FUT8: variants seen among roughly 807,000 people sequenced by gnomAD.
FUT8 encodes alpha-(1,6)-fucosyltransferase.
In FUT8, 29 loss-of-function variants were observed where a neutral mutation model predicts 71.3. The observed-to-expected ratio is 0.41, with a 90% CI of 0.30 to 0.55. The LOEUF is 0.55. FUT8 is among the 20% of genes least tolerant of loss of function. FUT8 has a pLI of 0.34. For missense variants in FUT8, 544 were observed against 702.1 expected, an observed-to-expected ratio of 0.77 and a Z score of 2.55; for synonymous variants, 254 against 239.3, an observed-to-expected ratio of 1.06 and a Z score of -0.57.
intron 3 of FUT8, among the ~76,000 whole-genome samples, chr14:65,614,915 G>C (rs1027437164): frequency 1.3e-5 from 2 of 152,142 alleles, no homozygotes; most frequent in Non-Finnish European, 2.9e-5. Context: ...GTGGAGTACA[G>C]TATACTGCCA....
intron 3 of FUT8, among the ~76,000 whole-genome samples, chr14:65,584,238 G>T (rs886987391): frequency 6.7e-6 from 1 of 150,012 alleles, no homozygotes; most frequent in African/African-American, 2.5e-5. Context: ...GAGTGCAGTG[G>T]TGCGATCTTG....
intron 3 of FUT8, among the ~76,000 whole-genome samples, chr14:65,575,562 C>T (rs1397617850): frequency 2.9e-4 from 5 of 17,434 alleles, no homozygotes; most frequent in African/African-American, 7.8e-4. Context: ...CTTCCTCCCT[C>T]CCTTCTTTCC....
intron 5 of FUT8, among the ~76,000 whole-genome samples, chr14:65,628,969 T>C (rs1344743937): frequency 2.6e-5 from 4 of 152,220 alleles, no homozygotes; most frequent in Non-Finnish European, 5.9e-5. Flanking sequence ...GACTAAAATA[T>C]TTACTGTCTG....
chr14:65,458,201 A>C (rs2065922728), intron 2 of FUT8: 1 of 151,660 alleles, frequency 6.6e-6, no homozygotes, highest in Admixed American at 6.6e-5. Context: ...AAAAACAAAA[A>C]AAACAGGTAC....
chr14:65,611,247 A>G lies in FUT8; in HGVS notation c.204-4731A>G, dbSNP rs866704058. Among the ~76,000 whole-genome samples the G allele has an allele frequency of 1.0e-4, 4 of 38,914 alleles. 1 individual carries two copies. Among genetic ancestry groups the G allele is most frequent in the African/African-American group, 3.9e-4 (3 of 7,618 alleles). The allele number at this position is 38,914 out of a possible 152,430, so 25.5% of individuals were successfully genotyped here. A position where few individuals can be genotyped will look rare whatever the true frequency, so the allele number is the denominator to read the frequency against. On this transcript the variant is annotated intron_variant, in intron 3 of 10. Coordinates refer to ENST00000673929, the MANE Select transcript of FUT8 (RefSeq NM_001371533.1). ...CGCACACACACACACACACACACAC[A>G]CACACACACACACACACACACACAC...
Position 65,437,260 on chromosome 14 carries a change from C to T in FUT8, c.-325-18361C>T, listed in dbSNP as rs532611349. On this transcript the variant is annotated intron_variant, in intron 1 of 10. Coordinates refer to ENST00000673929, the MANE Select transcript of FUT8 (RefSeq NM_001371533.1). ...ATCAAACAAAAGCTTAGGGTATCAGCAAAGCAGAAAGAAAAGAATTTGAAA... is the reference window on the plus strand; with the variant it reads ...ATCAAACAAAAGCTTAGGGTATCAGTAAAGCAGAAAGAAAAGAATTTGAAA... 7.2e-5 allele frequency among the ~76,000 whole-genome samples: 11 copies of T among 152,100 alleles called. No homozygotes were observed. The East Asian group carries it at 1.4e-3, about 19-fold the overall frequency.
intron 7 of FUT8, among the ~76,000 whole-genome samples, chr14:65,694,101 A>G (rs1893858138): frequency 6.6e-6 from 1 of 152,138 alleles, no homozygotes; most frequent in Non-Finnish European, 1.5e-5. Context: ...TAGCCTCACT[A>G]GAGGTTTCTT....
At chr14:65,378,355 G>A in the FUT8 span, among the ~76,000 whole-genome samples, 26 of 152,168 alleles carry the variant, frequency 1.7e-4, no homozygotes, top group Admixed American at 3.9e-4. Context: ...TAAGTAGGAT[G>A]GAATCTACAA....
the FUT8 span, among the ~76,000 whole-genome samples, chr14:65,389,419 G>A: frequency 2.0e-5 from 3 of 150,912 alleles, no homozygotes; most frequent in Admixed American, 6.6e-5. Flanking sequence ...TGCCCAAGCT[G>A]GAGTGCCTCA....
At position 65,698,321 on chromosome 14, in the gene FUT8, C is replaced by G. The variant is rs74058563; in HGVS notation, c.836-23454C>G. Among the ~76,000 whole-genome samples the G allele has an allele frequency of 7.8e-3, 1,187 of 152,270 alleles. 9 individuals carry two copies. Among genetic ancestry groups the G allele is most frequent in the African/African-American group, 0.024 (986 of 41,546 alleles). ...TTTGGGTCCAGGAAATTAGAGGCAA[C>G]TGCCTGGAAAAGTGTACAGTAAAAT... On this transcript the variant is annotated intron_variant, in intron 7 of 10. Transcript: ENST00000673929.
In FUT8 at chr14:65,617,184, C is replaced by T. The variant is rs1352560456; in HGVS notation, c.482+811C>T. ...TACTGTGAAGAGGAAAAGAATTACC[C>T]CATACAAGTAAGAGATTTCATATTT... On this transcript the variant is annotated intron_variant, in intron 5 of 10. Transcript: ENST00000673929. 1.9e-6 allele frequency: 3 copies of T among 1,552,956 alleles called. No individual in the cohort carries two copies. In the East Asian group the frequency reaches 7.1e-5, roughly 37 times the overall value.
At chr14:65,502,213 G>A (rs2066657016) in intron 2 of FUT8, among the ~76,000 whole-genome samples, 1 of 151,366 alleles carries the variant, frequency 6.6e-6, no homozygotes, top group Non-Finnish European at 1.5e-5. Context: ...GCCTGGCTGG[G>A]TCCACTTATT....
At chr14:65,541,324 A>C (rs140796233) in intron 2 of FUT8, among the ~76,000 whole-genome samples, 7 of 152,236 alleles carry the variant, frequency 4.6e-5, no homozygotes, top group Non-Finnish European at 8.8e-5. Context: ...TAGTCATTCA[A>C]GATGTCCCAC....
the FUT8 span, among the ~76,000 whole-genome samples, chr14:65,370,460 G>A: frequency 6.6e-6 from 1 of 151,322 alleles, no homozygotes. Context: ...TGCCTGCCTC[G>A]GCCTCCCAAA....
intron 2 of FUT8, among the ~76,000 whole-genome samples, chr14:65,497,153 G>A (rs1050674615): frequency 6.6e-6 from 1 of 151,994 alleles, no homozygotes; most frequent in African/African-American, 2.4e-5. Flanking sequence ...CATTTCCAAC[G>A]GTAATATATG....
chr14:65,540,683 A>G (rs1469302314), intron 2 of FUT8, among the ~76,000 whole-genome samples: 1 of 152,232 alleles, frequency 6.6e-6, no homozygotes, highest in Non-Finnish European at 1.5e-5. Context: ...TTGTATCCCT[A>G]TACCAAGAGG....
chr14:65,587,251 A>G (rs117482519), intron 3 of FUT8, among the ~76,000 whole-genome samples: 1,844 of 152,232 alleles, frequency 0.012, 15 homozygotes, highest in Middle Eastern at 0.024. Flanking sequence ...TATATTTAGG[A>G]AAACGTTATT....
the FUT8 span, among the ~76,000 whole-genome samples, chr14:65,383,550 G>A: frequency 5.3e-5 from 8 of 152,210 alleles, no homozygotes; most frequent in South Asian, 8.3e-4. Flanking sequence ...GATTACAGGC[G>A]TGAGCCACTG....
intron 9 of FUT8, among the ~76,000 whole-genome samples, chr14:65,731,631 A>G (rs1895985468): frequency 1.3e-5 from 2 of 152,114 alleles, no homozygotes; most frequent in African/African-American, 4.8e-5. Context: ...GCTCTTTTGC[A>G]TGTAGAGATG....
Sources: gnomAD v4.1 joint callset for allele counts (sites outside exome capture counted in the v4.1 genomes callset) on GRCh38, gnomAD v4.1.1 for gene constraint, MANE v1.5 for transcripts, NCBI Gene and HGNC (gene_info 2026-07-23, HGNC 2026-07-21) for gene names.